Variants in ATG10 observed in about 807,000 individuals in gnomAD.
The protein encoded by ATG10 is ubiquitin-like-conjugating enzyme ATG10.
ATG10 carries 30 observed loss-of-function variants against 32.1 expected under a neutral mutation model. The ratio of observed to expected loss-of-function variants is 0.94; its 90% CI spans 0.70 to 1.27. The LOEUF (loss-of-function observed/expected upper bound fraction) is 1.27, where lower values mean the gene tolerates loss of function less well. Ranked by LOEUF, ATG10 falls within the 50% of genes most tolerant of loss-of-function variation. The pLI is 0.00. For synonymous variants in ATG10, 87 were observed against 91.5 expected, an observed-to-expected ratio of 0.95 and a Z score of 0.28; for missense variants, 233 against 262.3, an observed-to-expected ratio of 0.89 and a Z score of 0.77.
intron 2 of ATG10, among the ~76,000 whole-genome samples, chr5:81,991,744 A>C (rs979785524): frequency 1.6e-4 from 24 of 151,914 alleles, no homozygotes; most frequent in African/African-American, 5.6e-4. Flanking sequence ...GCAGTGAGCC[A>C]AGATCATACT....
intron 3 of ATG10, among the ~76,000 whole-genome samples, chr5:82,162,074 T>G (rs1743372761): frequency 6.6e-6 from 1 of 152,174 alleles, no homozygotes; most frequent in South Asian, 2.1e-4. Flanking sequence ...TTTATATATG[T>G]GTGTATATAT....
At chr5:82,142,947 G>C (rs550407094) in intron 3 of ATG10, among the ~76,000 whole-genome samples, 1 of 152,306 alleles carries the variant, frequency 6.6e-6, no homozygotes, top group Admixed American at 6.5e-5. Context: ...AAGTAGTTTT[G>C]TTTTGCTTGA....
intron 2 of ATG10, among the ~76,000 whole-genome samples, chr5:82,038,860 T>C (rs1456899972): frequency 6.6e-6 from 1 of 152,376 alleles, no homozygotes. Flanking sequence ...GTTTAATTAA[T>C]TAATTTAGAC....
intron 5 of ATG10, among the ~76,000 whole-genome samples, chr5:82,246,394 G>C (rs971147386): frequency 6.6e-6 from 1 of 151,754 alleles, no homozygotes; most frequent in Non-Finnish European, 1.5e-5. Context: ...TCTGCTAAAA[G>C]ATAGCAACTT....
chr5:81,981,113 G>A (rs1761035637), intron 1 of ATG10, among the ~76,000 whole-genome samples: 1 of 152,212 alleles, frequency 6.6e-6, no homozygotes, highest in Admixed American at 6.5e-5. Context: ...ATGTGTCTCT[G>A]TGCTATTTTA....
chr5:82,116,691 C>T (rs1226499629), intron 3 of ATG10, among the ~76,000 whole-genome samples: 2 of 152,088 alleles, frequency 1.3e-5, no homozygotes, highest in Non-Finnish European at 2.9e-5. Context: ...CATCATCTGG[C>T]TACGCCTCCC....
intron 4 of ATG10, among the ~76,000 whole-genome samples, chr5:82,168,338 C>A (rs1743662215): frequency 2.6e-5 from 4 of 152,174 alleles, no homozygotes; most frequent in Admixed American, 2.6e-4. Context: ...CTAGAGATTT[C>A]TATATTTATT....
At chr5:81,982,200 A>G (rs745728724) in intron 1 of ATG10, among the ~76,000 whole-genome samples, 2 of 152,196 alleles carry the variant, frequency 1.3e-5, no homozygotes, top group Non-Finnish European at 2.9e-5. Context: ...GCTCACGCCT[A>G]TAATCCTAGT....
rs73136784 is a variant in ATG10 at position 82,169,002 on chromosome 5, A to G, written c.355+4465A>G. On this transcript the variant is annotated intron_variant, in intron 4 of 7. Coordinates refer to ENST00000282185, the MANE Select transcript of ATG10 (RefSeq NM_031482.5). ...GTTGGGTTTCTTGAAGAGGTTAGGA[A>G]AAGCACTGTAGAAGGGGAGGAGAGT... 2.4e-3 allele frequency among the ~76,000 whole-genome samples: 362 copies of G among 152,222 alleles called. 2 individuals are homozygous for G. The highest frequency in any genetic ancestry group is 8.4e-3 in the African/African-American group (348 of 41,530).
chr5:82,058,565 G>A lies in ATG10; in HGVS notation c.179G>A (p.Gly60Glu). ...AATGGGTCTGTGATGTCACATCTAG[G>A]AGCATCTACCCATGGACAGACATGT... is the stretch of plus-strand genomic sequence containing the variant. ...IKNGSVMSHL[G>E]ASTHGQTCLP... The change falls in exon 3 of 8, where the codon GGA (glycine) becomes GAA (glutamate). Residue 60 changes from glycine to glutamate, a missense_variant. By Grantham distance (98) the Gly-to-Glu change is moderately conservative. Coordinates refer to ENST00000282185, the MANE Select transcript of ATG10 (RefSeq NM_031482.5). 3 of 1,613,060 alleles carry A rather than the reference G, an allele frequency of 1.9e-6. No homozygotes were observed. Among genetic ancestry groups the A allele is most frequent in the Non-Finnish European group, 2.5e-6 (3 of 1,179,286 alleles).
At chr5:82,141,598 G>C (rs896908486) in intron 3 of ATG10, among the ~76,000 whole-genome samples, 1 of 151,756 alleles carries the variant, frequency 6.6e-6, no homozygotes, top group African/African-American at 2.4e-5. Flanking sequence ...AAAAAAATAA[G>C]CTAAACTGGG....
At chr5:82,003,298 C>T (rs1479997908) in intron 2 of ATG10, among the ~76,000 whole-genome samples, 2 of 152,218 alleles carry the variant, frequency 1.3e-5, no homozygotes, top group African/African-American at 4.8e-5. Context: ...GCTTTGTCTA[C>T]TGAAGTGCCC....
At chr5:82,070,472 GA>G (rs796613220) in intron 3 of ATG10, among the ~76,000 whole-genome samples, 19 of 152,204 alleles carry the variant, frequency 1.2e-4, no homozygotes, top group African/African-American at 4.3e-4. Flanking sequence ...AAAAGAAGGG[GA>G]AAAATATCAA....
chr5:82,077,781 T>G (rs1764327834), intron 3 of ATG10, among the ~76,000 whole-genome samples: 1 of 152,218 alleles, frequency 6.6e-6, no homozygotes. Context: ...CTGATTTGAT[T>G]GATGCTTTAG....
At chr5:82,126,058 C>G (rs955058271) in intron 3 of ATG10, among the ~76,000 whole-genome samples, 5 of 131,228 alleles carry the variant, frequency 3.8e-5, no homozygotes, top group Non-Finnish European at 8.1e-5. Context: ...GTGAGTTTGC[C>G]TATGATTTGG....
At chr5:82,219,521 T>G (rs9293293) in intron 5 of ATG10, among the ~76,000 whole-genome samples, 89,141 of 152,050 alleles carry the variant, frequency 0.59, 28,145 homozygotes, top group African/African-American at 0.8. Context: ...CATATTAGCC[T>G]TGTCTTTGTA....
At chr5:82,137,671 C>A (rs1276574349) in intron 3 of ATG10, among the ~76,000 whole-genome samples, 1 of 152,166 alleles carries the variant, frequency 6.6e-6, no homozygotes, top group Non-Finnish European at 1.5e-5. Flanking sequence ...GGAAGTGCCT[C>A]CCAGTGAGGA....
intron 2 of ATG10, among the ~76,000 whole-genome samples, chr5:82,004,900 C>A (rs1329827655): frequency 6.6e-6 from 1 of 152,062 alleles, no homozygotes; most frequent in Non-Finnish European, 1.5e-5. Context: ...AAAATGGCAC[C>A]AATTGAAAAA....
intron 3 of ATG10, among the ~76,000 whole-genome samples, chr5:82,145,667 A>G (rs547066713): frequency 3.7e-4 from 57 of 152,164 alleles, no homozygotes; most frequent in Middle Eastern, 6.8e-3. Flanking sequence ...TTTTGCTTAA[A>G]ACTGTCACAT....
Sources: gnomAD v4.1 joint callset for allele counts (sites outside exome capture counted in the v4.1 genomes callset) on GRCh38, gnomAD v4.1.1 for gene constraint, MANE v1.5 for transcripts, NCBI Gene and HGNC (gene_info 2026-07-23, HGNC 2026-07-21) for gene names.